TRIO: variants seen among roughly 807,000 people sequenced by gnomAD.
TRIO encodes trio Rho guanine nucleotide exchange factor.
Under a neutral mutation model 351.9 loss-of-function variants are expected in TRIO, and 58 were observed. That is an observed-to-expected ratio of 0.16 (90% CI 0.13 to 0.21). The LOEUF is 0.21. TRIO is among the 10% of genes least tolerant of loss of function. The pLI, the probability that TRIO is intolerant of heterozygous loss-of-function variation, is 1.00. For synonymous variants in TRIO, 1,758 were observed against 1,595.7 expected (o/e 1.10, Z -2.42); for missense variants, 3,201 against 4,027.8 (o/e 0.79, Z 5.56).
At chr5:14,479,136 C>T (rs1237108985) in intron 41 of TRIO, 125 bp from the exon 42 acceptor site, 1 of 774,754 alleles carries the variant, frequency 1.3e-6, no homozygotes, top group African/African-American at 1.7e-5. Context: ...TCCCGAGAGC[C>T]TTAGCTGTGC....
At chr5:14,353,366 G>A (rs997141993) in intron 11 of TRIO, among the ~76,000 whole-genome samples, 11 of 149,586 alleles carry the variant, frequency 7.4e-5, no homozygotes, top group Non-Finnish European at 1.5e-4. Flanking sequence ...CAATTCAAGC[G>A]ATTCTCCTGC....
At chr5:14,247,806 A>G (rs543250706) in intron 1 of TRIO, among the ~76,000 whole-genome samples, 1 of 152,286 alleles carries the variant, frequency 6.6e-6, no homozygotes, top group South Asian at 2.1e-4. Context: ...GGTGGCTCAC[A>G]GCTGTAATCC....
intron 1 of TRIO, among the ~76,000 whole-genome samples, chr5:14,186,099 T>C (rs1790097686): frequency 6.6e-6 from 1 of 152,232 alleles, no homozygotes; most frequent in East Asian, 1.9e-4. Flanking sequence ...ACTAGATTCA[T>C]GGGACTATGC....
intron 53 of TRIO, chr5:14,498,868 T>C (rs1757081886): frequency 2.0e-6 from 1 of 499,454 alleles, no homozygotes; most frequent in African/African-American, 1.9e-5. Flanking sequence ...ACACCGGAGC[T>C]CCTGTTGCTG....
intron 11 of TRIO, among the ~76,000 whole-genome samples, chr5:14,337,120 A>G (rs1245319615): frequency 2.0e-5 from 3 of 152,196 alleles, no homozygotes; most frequent in Non-Finnish European, 4.4e-5. Flanking sequence ...CTCAGATGCT[A>G]GTAAACGTGA....
At chr5:14,434,575 T>C (rs1751436639) in intron 34 of TRIO, among the ~76,000 whole-genome samples, 1 of 152,208 alleles carries the variant, frequency 6.6e-6, no homozygotes, top group Non-Finnish European at 1.5e-5. Context: ...GTACACCCTG[T>C]ACCCAGCTCC....
chr5:14,255,605 AT>A (rs1263385564), intron 1 of TRIO, among the ~76,000 whole-genome samples: 1 of 152,206 alleles, frequency 6.6e-6, no homozygotes, highest in African/African-American at 2.4e-5. Flanking sequence ...ATATTTTTGG[AT>A]TTTGGAATAT....
intron 8 of TRIO, among the ~76,000 whole-genome samples, chr5:14,314,513 G>A (rs1739209090): frequency 6.6e-6 from 1 of 152,006 alleles, no homozygotes. Flanking sequence ...AACAGCTCTT[G>A]TAAAGTTCCA....
At chr5:14,353,358 A>G (rs1425247760) in intron 11 of TRIO, among the ~76,000 whole-genome samples, 2 of 149,562 alleles carry the variant, frequency 1.3e-5, no homozygotes, top group African/African-American at 2.5e-5. Flanking sequence ...CTGCCTCCCA[A>G]TTCAAGCGAT....
intron 34 of TRIO, among the ~76,000 whole-genome samples, chr5:14,455,043 G>T (rs1396087057): frequency 6.6e-6 from 1 of 152,122 alleles, no homozygotes; most frequent in Non-Finnish European, 1.5e-5. Flanking sequence ...GGTCTCGCTG[G>T]CCTCAGGAGT....
Position 14,369,580 on chromosome 5 carries a change from C to T in TRIO, c.3216+57C>T, listed in dbSNP as rs139650452. The stretch of plus-strand genomic sequence containing the variant: ...TCAGAGGCTTCCTGCCTGCCAGGTG[C>T]GCGTGGCACAGTCATCGCTTCCCAA... On this transcript the variant is annotated intron_variant, in intron 18 of 56. Transcript: ENST00000344204. The T allele has an allele frequency of 1.0e-4, 154 of 1,540,546 alleles. 1 individual carries two copies. In the East Asian group the frequency reaches 2.5e-3, roughly 25 times the overall value.
intron 29 of TRIO, among the ~76,000 whole-genome samples, chr5:14,398,154 A>T (rs1747771382): frequency 1.3e-5 from 2 of 152,158 alleles, no homozygotes; most frequent in Non-Finnish European, 2.9e-5. Flanking sequence ...GGGAGCTTCT[A>T]CTATGAGAGT....
At chr5:14,420,249 C>T (rs1216275834) in intron 34 of TRIO, 23 of 605,374 alleles carry the variant, frequency 3.8e-5, no homozygotes, top group East Asian at 3.2e-4. Flanking sequence ...ACTTCCAGGG[C>T]GGTGTAGTGA....
At chr5:14,431,543 C>T (rs1034252514) in intron 34 of TRIO, among the ~76,000 whole-genome samples, 1 of 152,188 alleles carries the variant, frequency 6.6e-6, no homozygotes, top group Non-Finnish European at 1.5e-5. Flanking sequence ...TCCCCAACCC[C>T]TTTTCAGGAG....
intron 34 of TRIO, among the ~76,000 whole-genome samples, chr5:14,434,633 C>G (rs1310069228): frequency 6.6e-6 from 1 of 152,204 alleles, no homozygotes; most frequent in Non-Finnish European, 1.5e-5. Context: ...GGCATGAACC[C>G]GAATGCAGTG....
intron 4 of TRIO, among the ~76,000 whole-genome samples, chr5:14,288,297 C>T (rs1187055956): frequency 2.6e-5 from 4 of 152,164 alleles, no homozygotes. Flanking sequence ...TTAAAGGCAC[C>T]AGTTTTTCTA....
chr5:14,349,464 G>C (rs1386065114), intron 11 of TRIO, among the ~76,000 whole-genome samples: 1 of 152,116 alleles, frequency 6.6e-6, no homozygotes, highest in Non-Finnish European at 1.5e-5. Flanking sequence ...CTATTTTAGA[G>C]GAGTCATTTC....
intron 36 of TRIO, among the ~76,000 whole-genome samples, chr5:14,464,650 A>T (rs27098): frequency 0.16 from 24,770 of 152,068 alleles, 2,115 homozygotes; most frequent in Middle Eastern, 0.29. Context: ...GCATATTTTG[A>T]CCCACACGTG....
chr5:14,148,950 T>A (rs538653710), intron 1 of TRIO, among the ~76,000 whole-genome samples: 2 of 152,316 alleles, frequency 1.3e-5, no homozygotes, highest in East Asian at 3.9e-4. Context: ...CTATTCCAGT[T>A]CTGCTGACGC....
Sources: allele counts gnomAD v4.1 joint callset (sites outside exome capture counted in the v4.1 genomes callset), GRCh38; gene constraint gnomAD v4.1.1; transcripts MANE v1.5; gene names NCBI Gene and HGNC (gene_info 2026-07-23, HGNC 2026-07-21).